THRB: variants seen among roughly 807,000 people sequenced by gnomAD.
THRB encodes thyroid hormone receptor beta.
In THRB, 12 loss-of-function variants were observed where a neutral mutation model predicts 47.8. That is an observed-to-expected ratio of 0.25 (90% CI 0.16 to 0.41). The LOEUF is 0.41. Ranked by LOEUF, THRB falls within the 10% of genes least tolerant of loss-of-function variation. The pLI, the probability that THRB is intolerant of heterozygous loss-of-function variation, is 1.00. For synonymous variants in THRB, 218 were observed against 212.2 expected, an observed-to-expected ratio of 1.03 and a Z score of -0.24; for missense variants, 348 against 589.2, an observed-to-expected ratio of 0.59 and a Z score of 4.24.
At chr3:24,242,853 A>G (rs563963374) in intron 3 of THRB, among the ~76,000 whole-genome samples, 1 of 152,148 alleles carries the variant, frequency 6.6e-6, no homozygotes, top group Non-Finnish European at 1.5e-5. Context: ...AGCCAGCCCC[A>G]TCCCAGTTTG....
At chr3:24,397,600 C>CTTT (rs11383377) in intron 1 of THRB, among the ~76,000 whole-genome samples, 21 of 138,228 alleles carry the variant, frequency 1.5e-4, no homozygotes, top group South Asian at 4.6e-4. Flanking sequence ...TTTAGCAAGT[C>CTTT]TTTTTTTTTT....
intron 1 of THRB, among the ~76,000 whole-genome samples, chr3:24,425,656 C>A (rs2069685344): frequency 6.6e-6 from 1 of 151,876 alleles, no homozygotes; most frequent in Non-Finnish European, 1.5e-5. Context: ...TAGGCCTGAG[C>A]TATGCTGAAC....
chr3:24,457,912 G>A (rs984549513), intron 1 of THRB: 7 of 152,132 alleles, frequency 4.6e-5, no homozygotes, highest in African/African-American at 1.7e-4. Context: ...AGTCATGATG[G>A]TAGTAATTAC....
chr3:24,213,305 T>C (rs1023807503), intron 4 of THRB, among the ~76,000 whole-genome samples: 1 of 152,180 alleles, frequency 6.6e-6, no homozygotes, highest in Admixed American at 6.5e-5. Flanking sequence ...TGGAAAATTC[T>C]TGAGAAGGGA....
chr3:24,200,795 A>G (rs1172773490), intron 4 of THRB, among the ~76,000 whole-genome samples: 1 of 152,236 alleles, frequency 6.6e-6, no homozygotes, highest in Non-Finnish European at 1.5e-5. Flanking sequence ...CAGCATGCAC[A>G]GCTATCTTCT....
Position 24,228,928 on chromosome 3 carries a change from A to AG in THRB, c.22+9_22+10insC. ...AGGCACACAAAGAAAATGTAAAAAA[A>AG]AAAAGATACCTGTCATACTGTTGGG... On this transcript the variant is annotated intron_variant, in intron 4 of 10. Transcript: ENST00000646209. The AG allele has an allele frequency of 6.2e-7, 1 of 1,606,866 alleles. No individual in the cohort carries two copies. The highest frequency in any genetic ancestry group is 1.1e-5 in the South Asian group (1 of 88,208).
intron 1 of THRB, among the ~76,000 whole-genome samples, chr3:24,435,423 G>C (rs1429554133): frequency 6.6e-6 from 1 of 152,150 alleles, no homozygotes; most frequent in Non-Finnish European, 1.5e-5. Flanking sequence ...GTGCAGATCA[G>C]CTGCTGTGCC....
At chr3:24,252,559 A>G (rs972707584) in intron 3 of THRB, among the ~76,000 whole-genome samples, 3 of 151,780 alleles carry the variant, frequency 2.0e-5, no homozygotes, top group Admixed American at 2.0e-4. Context: ...CTTACTAACT[A>G]TGGCACAAAT....
intron 3 of THRB, among the ~76,000 whole-genome samples, chr3:24,268,237 G>C (rs1211797503): frequency 6.6e-6 from 1 of 152,150 alleles, no homozygotes; most frequent in Non-Finnish European, 1.5e-5. Flanking sequence ...AAAAACTGGA[G>C]AGTGAAATCC....
chr3:24,336,688 C>T (rs1433662376), intron 2 of THRB, among the ~76,000 whole-genome samples: 1 of 151,536 alleles, frequency 6.6e-6, no homozygotes, highest in African/African-American at 2.4e-5. Flanking sequence ...CCCTATCTGA[C>T]TCGCTGGAAC....
At chr3:24,149,825 T>TA (rs768989895) in intron 6 of THRB, among the ~76,000 whole-genome samples, 6 of 152,204 alleles carry the variant, frequency 3.9e-5, no homozygotes, top group African/African-American at 1.4e-4. Flanking sequence ...CTACTTATTT[T>TA]AAAAAAATCC....
chr3:24,228,353 T>G (rs2047890994), intron 4 of THRB, among the ~76,000 whole-genome samples: 2 of 152,182 alleles, frequency 1.3e-5, no homozygotes, highest in Admixed American at 1.3e-4. Context: ...TTACATGACC[T>G]AATCATATTC....
At chr3:24,182,154 T>C (rs1331088449) in intron 5 of THRB, among the ~76,000 whole-genome samples, 2 of 151,996 alleles carry the variant, frequency 1.3e-5, no homozygotes, top group African/African-American at 2.4e-5. Context: ...TGAGCCGAGA[T>C]TGCGCCACTG....
intron 4 of THRB, among the ~76,000 whole-genome samples, chr3:24,216,401 C>T (rs540600325): frequency 2.0e-5 from 3 of 152,190 alleles, no homozygotes; most frequent in South Asian, 2.1e-4. Flanking sequence ...GTCAGGAGAT[C>T]GAGACCATCC....
At chr3:24,268,932 A>G (rs998262783) in intron 3 of THRB, among the ~76,000 whole-genome samples, 7 of 152,224 alleles carry the variant, frequency 4.6e-5, no homozygotes, top group Non-Finnish European at 1.0e-4. Flanking sequence ...ACATACTTTT[A>G]GCACTGGCAT....
intron 3 of THRB, among the ~76,000 whole-genome samples, chr3:24,294,273 G>T (rs944229292): frequency 6.6e-6 from 1 of 152,202 alleles, no homozygotes; most frequent in African/African-American, 2.4e-5. Context: ...CATCCTGGAT[G>T]TTGTAGCTCC....
chr3:24,412,934 C>G (rs1416779273), intron 1 of THRB, among the ~76,000 whole-genome samples: 1 of 151,616 alleles, frequency 6.6e-6, no homozygotes, highest in African/African-American at 2.4e-5. Context: ...TATTAATGCT[C>G]TAGGAAATAC....
Position 24,161,485 on chromosome 3 carries a change from GGA to G in THRB, c.284-8997_284-8996del, listed in dbSNP as rs142479014. ...GGAAGAAAGAGATGGAGGGAAAGTA[GGA>G]GAGAGAGACAGAGGGAGAGGAAGAA... On this transcript the variant is annotated intron_variant, in intron 5 of 10. Coordinates refer to ENST00000646209, the MANE Select transcript of THRB (RefSeq NM_001354712.2). 2.5e-3 allele frequency among the ~76,000 whole-genome samples: 381 copies of G among 152,048 alleles called. 1 individual carries two copies. The highest frequency in any genetic ancestry group is 8.9e-3 in the African/African-American group (371 of 41,458).
At chr3:24,145,523 C>T (rs1036811122) in intron 7 of THRB, among the ~76,000 whole-genome samples, 2 of 152,190 alleles carry the variant, frequency 1.3e-5, no homozygotes, top group African/African-American at 4.8e-5. Context: ...ATCATATTCA[C>T]ATATCCCTAT....
Sources: allele counts gnomAD v4.1 joint callset (sites outside exome capture counted in the v4.1 genomes callset), GRCh38; gene constraint gnomAD v4.1.1; transcripts MANE v1.5; gene names NCBI Gene and HGNC (gene_info 2026-07-23, HGNC 2026-07-21).